The following ROR2 variants were observed in gnomAD, a reference collection of about 807,000 sequenced individuals.
ROR2 encodes the protein ROR family WNT receptor 2, also known as tyrosine-protein kinase transmembrane receptor ROR2.
A neutral mutation model predicts 74.9 loss-of-function variants in ROR2; 33 were observed. The ratio of observed to expected loss-of-function variants is 0.44; its 90% CI spans 0.33 to 0.59. ROR2 has a LOEUF of 0.59. Ranked by LOEUF, ROR2 falls within the 20% of genes least tolerant of loss-of-function variation. The probability of loss-of-function intolerance (pLI) is 0.02; values close to 1 mark genes in which losing one functional copy is unlikely to be tolerated. For missense variants in ROR2, 1,216 were observed against 1,313.8 expected (o/e 0.93, Z 1.15); for synonymous variants, 586 against 558.7 (o/e 1.05, Z -0.69).
At position 91,909,494 on chromosome 9, in the gene ROR2, G is replaced by C. The variant is rs72746257; in HGVS notation, c.97+40373C>G. On this transcript the variant is annotated intron_variant, in intron 1 of 8. Coordinates refer to ENST00000375708, the MANE Select transcript of ROR2 (RefSeq NM_004560.4). ...CCCGAGTAGCTGGCACCACAGGCAT[G>C]CATCACCACATCCAACTAATTTTTT... Among the ~76,000 whole-genome samples the C allele has an allele frequency of 3.7e-3, 558 of 150,356 alleles. 4 individuals are homozygous for C. The highest frequency in any genetic ancestry group is 6.7e-3 in the Non-Finnish European group (454 of 67,862).
At chr9:91,886,225 C>T (rs181027367) in intron 1 of ROR2, among the ~76,000 whole-genome samples, 66 of 152,190 alleles carry the variant, frequency 4.3e-4, no homozygotes, top group Admixed American at 3.9e-3. Flanking sequence ...ATAAAGATGC[C>T]ATCTTAAAGG....
At chr9:91,826,511 G>A (rs1418616083) in intron 1 of ROR2, among the ~76,000 whole-genome samples, 1 of 152,184 alleles carries the variant, frequency 6.6e-6, no homozygotes, top group East Asian at 1.9e-4. Flanking sequence ...GCTGGGCGTG[G>A]TGCCTCACAC....
intron 1 of ROR2, among the ~76,000 whole-genome samples, chr9:91,805,492 T>C (rs1433197853): frequency 6.6e-6 from 1 of 152,206 alleles, no homozygotes; most frequent in African/African-American, 2.4e-5. Flanking sequence ...TCTCTACTTC[T>C]CAGCTAGAGC....
chr9:91,920,200 A>G (rs1831228684), intron 1 of ROR2, among the ~76,000 whole-genome samples: 1 of 152,214 alleles, frequency 6.6e-6, no homozygotes, highest in Non-Finnish European at 1.5e-5. Flanking sequence ...TTAAGCCCTT[A>G]CTTGTGCTTA....
At chr9:91,741,351 A>G (rs1327003358) in intron 4 of ROR2, among the ~76,000 whole-genome samples, 2 of 150,392 alleles carry the variant, frequency 1.3e-5, no homozygotes, top group African/African-American at 4.9e-5. Flanking sequence ...TAAAATAATG[A>G]CAACCCTGGG....
At chr9:91,940,239 GAA>G (rs1037852703) in intron 1 of ROR2, among the ~76,000 whole-genome samples, 85 of 152,194 alleles carry the variant, frequency 5.6e-4, no homozygotes, top group African/African-American at 1.9e-3. Flanking sequence ...GAGATGGTGT[GAA>G]AAAAACAGTT....
intron 1 of ROR2, among the ~76,000 whole-genome samples, chr9:91,778,516 T>G (rs1037344790): frequency 6.6e-6 from 1 of 152,210 alleles, no homozygotes; most frequent in Non-Finnish European, 1.5e-5. Context: ...CTGTCCTCGT[T>G]AGTTGCCTGG....
intron 1 of ROR2, among the ~76,000 whole-genome samples, chr9:91,898,833 G>A (rs12554679): frequency 0.16 from 24,483 of 152,176 alleles, 2,438 homozygotes; most frequent in Admixed American, 0.26. Flanking sequence ...AGGCAGGCCC[G>A]GCTGCCTCCA....
At chr9:91,869,469 A>C (rs892949010) in intron 1 of ROR2, among the ~76,000 whole-genome samples, 4 of 152,232 alleles carry the variant, frequency 2.6e-5, no homozygotes, top group African/African-American at 9.6e-5. Flanking sequence ...ATACAATGAA[A>C]TACTGCTCGG....
At chr9:91,895,663 G>A (rs1307198215) in intron 1 of ROR2, among the ~76,000 whole-genome samples, 5 of 152,194 alleles carry the variant, frequency 3.3e-5, no homozygotes, top group African/African-American at 1.2e-4. Flanking sequence ...GGCCAACATG[G>A]TGAAACCCCA....
At chr9:91,757,251 C>T (rs762974282) in intron 3 of ROR2, 21 bp downstream of exon 3, 2 of 1,613,796 alleles carry the variant, frequency 1.2e-6, no homozygotes, top group South Asian at 2.2e-5. Flanking sequence ...CTAACCCACA[C>T]AATTTCACTG....
At chr9:91,854,716 G>C (rs76026028) in intron 1 of ROR2, among the ~76,000 whole-genome samples, 6,221 of 152,296 alleles carry the variant, frequency 0.041, 183 homozygotes, top group East Asian at 0.097. Flanking sequence ...CGGTTGGTAA[G>C]CTGGAGGTCT....
rs778271624 is a variant in ROR2, at chr9:91,922,125, A to AAAC, written c.97+27739_97+27741dup. 2.1e-5 allele frequency among the ~76,000 whole-genome samples: 3 copies of AAAC among 140,046 alleles called. No individual in the cohort carries two copies. In the South Asian group the frequency reaches 7.0e-4, roughly 32 times the overall value. 91.9% of individuals were successfully genotyped at this position (140,046 alleles called of 152,430 possible). On this transcript the variant is annotated intron_variant, in intron 1 of 8. Coordinates refer to ENST00000375708, the MANE Select transcript of ROR2 (RefSeq NM_004560.4). ...CAACAACAACAACAACAACAACAAC[A>AAAC]AACAACAACAACAAAAACAGAAAAC...
intron 1 of ROR2, among the ~76,000 whole-genome samples, chr9:91,878,800 G>A (rs1424505597): frequency 3.3e-5 from 5 of 152,182 alleles, no homozygotes; most frequent in Non-Finnish European, 5.9e-5. Flanking sequence ...GACGGGGGCC[G>A]GGCGCAGTGG....
intron 4 of ROR2, among the ~76,000 whole-genome samples, chr9:91,748,958 G>A (rs576967710): frequency 2.3e-4 from 35 of 152,274 alleles, no homozygotes; most frequent in African/African-American, 8.4e-4. Flanking sequence ...CCTGGGAGGC[G>A]GAGGCTGCAG....
chr9:91,829,710 T>C (rs995496732), intron 1 of ROR2, among the ~76,000 whole-genome samples: 3 of 152,208 alleles, frequency 2.0e-5, no homozygotes, highest in Non-Finnish European at 4.4e-5. Context: ...ATTCTGGAAC[T>C]GGACCAGCTG....
chr9:91,784,490 C>G (rs756029266), intron 1 of ROR2, among the ~76,000 whole-genome samples: 1 of 152,152 alleles, frequency 6.6e-6, no homozygotes, highest in African/African-American at 2.4e-5. Flanking sequence ...TCCACTCACA[C>G]TAAGTTCAAA....
chr9:91,740,275 G>A (rs1011739779), intron 4 of ROR2, among the ~76,000 whole-genome samples: 6 of 152,082 alleles, frequency 3.9e-5, no homozygotes, highest in Non-Finnish European at 7.4e-5. Flanking sequence ...CAGGCTGGGC[G>A]CGGTGGCTCA....
At chr9:91,946,970 G>T (rs1375770336) in intron 1 of ROR2, among the ~76,000 whole-genome samples, 1 of 152,158 alleles carries the variant, frequency 6.6e-6, no homozygotes, top group Non-Finnish European at 1.5e-5. Context: ...TCTCTTGGAG[G>T]TTAAATCCAG....
Sources: allele counts gnomAD v4.1 joint callset (sites outside exome capture counted in the v4.1 genomes callset), GRCh38; gene constraint gnomAD v4.1.1; transcripts MANE v1.5; gene names NCBI Gene and HGNC (gene_info 2026-07-23, HGNC 2026-07-21).